LRGUK: variants seen among roughly 807,000 people sequenced by gnomAD.
The protein encoded by LRGUK is leucine-rich repeat and guanylate kinase domain-containing protein.
LRGUK carries 65 observed loss-of-function variants against 76.0 expected under a neutral mutation model. That is an observed-to-expected ratio of 0.85 (90% confidence interval 0.70 to 1.05). LRGUK has a LOEUF of 1.05. Ranked by LOEUF, LRGUK falls within the 50% of genes least tolerant of loss-of-function variation. The pLI, the probability that LRGUK is intolerant of heterozygous loss-of-function variation, is 0.00. For synonymous variants in LRGUK, 268 were observed against 265.6 expected (o/e 1.01, Z -0.09); for missense variants, 758 against 732.8 (o/e 1.03, Z -0.40).
At chr7:134,182,822 C>T (rs1015960826) in intron 10 of LRGUK, among the ~76,000 whole-genome samples, 6 of 152,188 alleles carry the variant, frequency 3.9e-5, no homozygotes, top group South Asian at 2.1e-4. Flanking sequence ...AGTACAATGG[C>T]GCCATCTCGG....
chr7:134,267,832 A>G (rs768343116), downstream of LRGUK, among the ~76,000 whole-genome samples: 57 of 152,218 alleles, frequency 3.7e-4, 2 homozygotes, highest in Admixed American at 3.7e-3. Context: ...CATGTTCACT[A>G]TTTGGGTGAC....
At chr7:134,222,395 T>C (rs1158629045) in intron 16 of LRGUK, among the ~76,000 whole-genome samples, 1 of 152,210 alleles carries the variant, frequency 6.6e-6, no homozygotes, top group African/African-American at 2.4e-5. Flanking sequence ...GAAAGCAGCA[T>C]GCACAGGAGT....
intron 11 of LRGUK, among the ~76,000 whole-genome samples, chr7:134,185,998 C>T (rs551951748): frequency 5.3e-5 from 8 of 152,106 alleles, no homozygotes; most frequent in Non-Finnish European, 1.0e-4. Context: ...ATAAGCTGAA[C>T]GCAATGAATG....
chr7:134,275,646 C>G, the LRGUK span, among the ~76,000 whole-genome samples: 1 of 152,108 alleles, frequency 6.6e-6, no homozygotes, highest in Non-Finnish European at 1.5e-5. Flanking sequence ...TGGATTTTAT[C>G]AAGCTGTTGT....
chr7:134,255,874 A>G (rs1802565990), intron 18 of LRGUK, among the ~76,000 whole-genome samples: 2 of 152,130 alleles, frequency 1.3e-5, no homozygotes, highest in African/African-American at 4.8e-5. Flanking sequence ...CCGAGGTCCT[A>G]CCAATATCTG....
At chr7:134,205,331 T>C (rs920258434) in intron 15 of LRGUK, among the ~76,000 whole-genome samples, 2 of 151,984 alleles carry the variant, frequency 1.3e-5, no homozygotes, top group African/African-American at 4.8e-5. Flanking sequence ...GTTCCCCAAG[T>C]CCCCACTCGA....
intron 18 of LRGUK, among the ~76,000 whole-genome samples, chr7:134,251,205 G>T (rs2117212267): frequency 6.6e-6 from 1 of 152,216 alleles, no homozygotes; most frequent in South Asian, 2.1e-4. Context: ...GTTAAGATGA[G>T]GTCATATTGG....
At chr7:134,243,425 G>A (rs143792782) in intron 16 of LRGUK, among the ~76,000 whole-genome samples, 1,774 of 151,810 alleles carry the variant, frequency 0.012, 14 homozygotes, top group Non-Finnish European at 0.017. Flanking sequence ...CAAACAGAGA[G>A]TCAAATGAGT....
At position 134,135,719 on chromosome 7, in the gene LRGUK, A is replaced by G. The variant is rs188299396; in HGVS notation, c.298-1304A>G. On this transcript the variant is annotated intron_variant, in intron 1 of 15. Coordinates refer to ENST00000645682, the Ensembl canonical transcript of LRGUK. ...GAACCAGGCTGGAGTGTGGTGGCAC[A>G]ATCTTGGCTCACTGCAAGCTCTGCC... Among the ~76,000 whole-genome samples, 44 of 152,252 alleles carry G rather than the reference A, an allele frequency of 2.9e-4. 1 individual carries two copies. The highest frequency in any genetic ancestry group is 8.9e-4 in the African/African-American group (37 of 41,562).
exon 14 of LRGUK, chr7:134,199,247 T>C (rs537298707): frequency 1.2e-6 from 2 of 1,613,868 alleles, no homozygotes; most frequent in South Asian, 2.2e-5. Context: ...ATATTCCTAT[T>C]TTGAGCCTCG....
chr7:134,263,360 A>T (rs931856920), intron 19 of LRGUK, among the ~76,000 whole-genome samples: 1 of 120,356 alleles, frequency 8.3e-6, no homozygotes, highest in Non-Finnish European at 2.0e-5. Context: ...ACCAATCTTT[A>T]GAGGGCATTA....
intron 16 of LRGUK, among the ~76,000 whole-genome samples, chr7:134,233,965 GA>G (rs1801959764): frequency 2.0e-5 from 3 of 152,184 alleles, no homozygotes; most frequent in South Asian, 4.1e-4. Context: ...TAAAACATGA[GA>G]TTTTTTTTGC....
intron 19 of LRGUK, among the ~76,000 whole-genome samples, chr7:134,260,465 C>A (rs967103620): frequency 6.6e-6 from 1 of 152,148 alleles, no homozygotes; most frequent in Non-Finnish European, 1.5e-5. Flanking sequence ...AAAACAGCTA[C>A]CTCTCCAAAG....
chr7:134,182,654 T>C (rs909119660), intron 10 of LRGUK, among the ~76,000 whole-genome samples: 5 of 152,144 alleles, frequency 3.3e-5, no homozygotes, highest in Admixed American at 2.0e-4. Context: ...CTCAGCCATG[T>C]GGTTTTTTAA....
At position 134,143,165 on chromosome 7, in the gene LRGUK, A is replaced by G. The variant is rs781238892; in HGVS notation, c.588+3A>G. 5 of 1,542,718 alleles carry G rather than the reference A, an allele frequency of 3.2e-6. No individual in the cohort carries two copies. The Admixed American group carries it at 8.4e-5, about 26-fold the overall frequency. ...TCAAGCCACCCAAAAACCTCAAGGT[A>G]GACTTTATGAATACCTTAATTACAC... On this transcript the variant is annotated splice_donor_region_variant and intron_variant, in intron 4 of 15. Coordinates refer to ENST00000645682, the Ensembl canonical transcript of LRGUK.
rs568205820 is a variant in LRGUK at position 134,185,788 on chromosome 7, A to G, written c.1334+1935A>G. Among the ~76,000 whole-genome samples, 16 of 152,338 alleles carry G rather than the reference A, an allele frequency of 1.1e-4. No individual in the cohort carries two copies. In the South Asian group the frequency reaches 1.2e-3, roughly 12 times the overall value. On this transcript the variant is annotated intron_variant, in intron 11 of 15. Transcript: ENST00000645682. Reference sequence around the variant, plus strand: ...CTACACATGTTCAAACAATGTAAACACTATTTCAAACAGGTCCATTTATTT... The same window carrying G: ...CTACACATGTTCAAACAATGTAAACGCTATTTCAAACAGGTCCATTTATTT...
chr7:134,205,711 C>CGAG (rs1414319430), intron 15 of LRGUK, among the ~76,000 whole-genome samples: 127 of 152,242 alleles, frequency 8.3e-4, no homozygotes, highest in African/African-American at 2.8e-3. Context: ...TAAATCTAAC[C>CGAG]AATAACCATT....
chr7:134,145,322 A>C (rs538781003), intron 4 of LRGUK, among the ~76,000 whole-genome samples: 1 of 151,966 alleles, frequency 6.6e-6, no homozygotes, highest in East Asian at 1.9e-4. Context: ...ATCTCGGCTC[A>C]CCGCAACCTC....
intron 15 of LRGUK, among the ~76,000 whole-genome samples, chr7:134,202,610 C>T (rs1265011672): frequency 6.6e-6 from 1 of 152,140 alleles, no homozygotes; most frequent in African/African-American, 2.4e-5. Flanking sequence ...TTTTATTTGA[C>T]CTTAAAAAAG....
Sources: allele counts gnomAD v4.1 joint callset (sites outside exome capture counted in the v4.1 genomes callset), GRCh38; gene constraint gnomAD v4.1.1; transcripts MANE v1.5; gene names NCBI Gene and HGNC (gene_info 2026-07-23, HGNC 2026-07-21).